The following PLXNA2 variants were observed in gnomAD, a reference collection of about 807,000 sequenced individuals.
The protein encoded by PLXNA2 is plexin A2, also known as plexin-A2.
Under a neutral mutation model 193.5 loss-of-function variants are expected in PLXNA2, and 91 were observed. The observed-to-expected ratio is 0.47, with a 90% CI of 0.40 to 0.56. The LOEUF (loss-of-function observed/expected upper bound fraction) is 0.56. Among genes scored for constraint, PLXNA2 ranks in the 20% least tolerant of loss-of-function variants. The pLI, the probability that PLXNA2 is intolerant of heterozygous loss-of-function variation, is 0.00. For missense variants in PLXNA2, 1,995 were observed against 2,503.2 expected (o/e 0.80, Z 4.33); for synonymous variants, 997 against 1,027.3 (o/e 0.97, Z 0.56).
rs535050243 is a variant in PLXNA2, at chr1:208,240,921, T to A, written c.-81+2722A>T. On this transcript the variant is annotated intron_variant, in intron 1 of 31. Transcript: ENST00000367033. ...GGGAGGTGCTGCTGGAGACAGGAAT[T>A]GCCTCCCCCACACCAAACCCTATAT... Among the ~76,000 whole-genome samples the A allele has an allele frequency of 9.9e-5, 15 of 151,928 alleles. No individual in the cohort carries two copies. In the East Asian group the frequency reaches 2.7e-3, roughly 28 times the overall value.
At chr1:208,149,692 G>C (rs1049887107) in intron 3 of PLXNA2, among the ~76,000 whole-genome samples, 7 of 151,972 alleles carry the variant, frequency 4.6e-5, no homozygotes, top group African/African-American at 1.7e-4. Flanking sequence ...ATCTGGAGTT[G>C]AGCATTTGGT....
At chr1:208,187,016 C>T (rs12568379) in intron 3 of PLXNA2, among the ~76,000 whole-genome samples, 2,128 of 152,234 alleles carry the variant, frequency 0.014, 63 homozygotes, top group East Asian at 0.12. Context: ...CCACCGCGCC[C>T]GGCCTGCAAT....
intron 3 of PLXNA2, among the ~76,000 whole-genome samples, chr1:208,171,068 C>T (rs904941062): frequency 1.3e-5 from 2 of 152,268 alleles, no homozygotes. Flanking sequence ...GTGGTAACAT[C>T]TCATGATGGG....
intron 12 of PLXNA2, among the ~76,000 whole-genome samples, chr1:208,064,108 C>A (rs1048093036): frequency 1.3e-5 from 2 of 152,186 alleles, no homozygotes; most frequent in African/African-American, 4.8e-5. Context: ...TCAACTGTTT[C>A]TTTCTCCCAT....
intron 1 of PLXNA2, among the ~76,000 whole-genome samples, chr1:208,226,965 C>T (rs748163637): frequency 3.9e-5 from 6 of 152,244 alleles, no homozygotes; most frequent in Non-Finnish European, 8.8e-5. Flanking sequence ...GCCTTCTGTG[C>T]AAACGGAGTC....
chr1:208,060,877 C>T (rs1257662331), intron 12 of PLXNA2, 40 bp from the exon 13 acceptor site: 11 of 1,604,274 alleles, frequency 6.9e-6, no homozygotes, highest in Admixed American at 1.7e-5. Flanking sequence ...GGTTTGGTCA[C>T]AGGAACAGAA....
At chr1:208,192,135 C>T (rs997111721) in intron 3 of PLXNA2, among the ~76,000 whole-genome samples, 1 of 152,192 alleles carries the variant, frequency 6.6e-6, no homozygotes, top group African/African-American at 2.4e-5. Context: ...ACAACAAAGA[C>T]CATGACCCTG....
At position 208,051,321 on chromosome 1, in the gene PLXNA2, G is replaced by A. The variant is rs761847807; in HGVS notation, c.3096C>T (p.Asn1032=). The change falls in exon 16 of 32, where the codon AAC becomes AAT. Residue 1032 remains asparagine (N), a synonymous_variant. Transcript: ENST00000367033. ...GGTCATCTATGTACTCAAACTGCAG[G>A]TTGCTATCCACATGGGCTCGGTCGA... ...VSVDRAHVDS[N]LQFEYIDDPR... 6.2e-7 allele frequency: 1 copy of A among 1,613,752 alleles called. No individual in the cohort carries two copies. The highest frequency in any genetic ancestry group is 8.5e-7 in the Non-Finnish European group (1 of 1,179,882).
rs1031730826 is a variant in PLXNA2, at chr1:208,031,892, CG to C, written c.5056-134del. On this transcript the variant is annotated intron_variant, in intron 28 of 31. Transcript: ENST00000367033. ...ACACGAGGCTGTGCAGGCAGTGTTG[CG>C]GGGTGGGGAAGGGTACTATTGGTTA... The C allele has an allele frequency of 4.0e-6, 5 of 1,262,162 alleles. No individual in the cohort carries two copies. The African/African-American group carries it at 6.1e-5, about 16-fold the overall frequency. The allele number at this position is 1,262,162 out of a possible 1,614,324, so 78.2% of individuals were successfully genotyped here. A position where few individuals can be genotyped will look rare whatever the true frequency, so the allele number is the denominator to read the frequency against.
At chr1:208,182,001 T>C (rs1247207475) in intron 3 of PLXNA2, among the ~76,000 whole-genome samples, 1 of 152,162 alleles carries the variant, frequency 6.6e-6, no homozygotes, top group African/African-American at 2.4e-5. Flanking sequence ...CAAAGGCAAA[T>C]TGACTTAGTG....
intron 3 of PLXNA2, among the ~76,000 whole-genome samples, chr1:208,205,241 T>C (rs1259842976): frequency 1.3e-5 from 2 of 152,240 alleles, no homozygotes; most frequent in Non-Finnish European, 2.9e-5. Context: ...CCAGTTCCTG[T>C]TGCCACTCTT....
Position 208,084,578 on chromosome 1 carries a change from G to C in PLXNA2, c.2100C>G (p.Asp700Glu). The C allele has an allele frequency of 6.2e-7, 1 of 1,613,858 alleles. No homozygotes were observed. The highest frequency in any genetic ancestry group is 8.5e-7 in the Non-Finnish European group (1 of 1,179,740). Residue 700 changes from aspartate (D) to glutamate (E), a missense_variant and splice_region_variant, in exon 10 of 32, where the codon GAC (aspartate) becomes GAG (glutamate). By Grantham distance (45) the Asp-to-Glu change is conservative (BLOSUM62 2). Transcript: ENST00000367033. ...CCTCTGTGGGCACCAGCTGGGGACA[G>C]TCCTGGGGGAACAAACGAAGAGGCT... ...FQEGRINISEDCPQLVPTEEI... is the reference protein window; with the variant it reads ...FQEGRINISEECPQLVPTEEI...
At chr1:208,219,161 T>A (rs1572046223) in intron 1 of PLXNA2, among the ~76,000 whole-genome samples, 2 of 152,218 alleles carry the variant, frequency 1.3e-5, no homozygotes, top group Admixed American at 1.3e-4. Flanking sequence ...TTAAGGCTCC[T>A]CCACTTCCAG....
chr1:208,196,056 G>A (rs1670347283), intron 3 of PLXNA2, among the ~76,000 whole-genome samples: 1 of 152,114 alleles, frequency 6.6e-6, no homozygotes, highest in Admixed American at 6.5e-5. Flanking sequence ...CAAGATAACT[G>A]AAGGGGGCGA....
At chr1:208,027,456 A>G (rs1664376672) in intron 31 of PLXNA2, 118 bp from the exon 32 acceptor site, 1 of 680,036 alleles carries the variant, frequency 1.5e-6, no homozygotes, top group Non-Finnish European at 2.5e-6. Context: ...CATGCACATA[A>G]CCTTAAATAA....
At position 208,084,533 on chromosome 1, in the gene PLXNA2, C is replaced by T; in HGVS notation, c.2145G>A (p.Gly715=). 6.2e-7 allele frequency: 1 copy of T among 1,614,254 alleles called. No individual in the cohort carries two copies. The highest frequency in any genetic ancestry group is 8.5e-7 in the Non-Finnish European group (1 of 1,180,044). ...CCTTAAGGGTGATTGGCTTTACCTC[C>T]CCGACTGGAATCAAGATCTCCTCTG... is the stretch of plus-strand genomic sequence containing the variant. The part of the protein sequence containing the change: ...VPTEEILIPV[G]EVKPITLKAR... The change falls in exon 10 of 32, where the codon GGG becomes GGA. Residue 715 remains glycine (G), a synonymous_variant. Coordinates refer to ENST00000367033, the MANE Select transcript of PLXNA2 (RefSeq NM_025179.4).
At chr1:208,189,398 G>C (rs1670104875) in intron 3 of PLXNA2, among the ~76,000 whole-genome samples, 1 of 152,088 alleles carries the variant, frequency 6.6e-6, no homozygotes, top group Non-Finnish European at 1.5e-5. Context: ...GCTATACACA[G>C]GGCCCCACAG....
intron 4 of PLXNA2, among the ~76,000 whole-genome samples, chr1:208,134,838 G>T (rs764265668): frequency 1.9e-4 from 29 of 152,202 alleles, no homozygotes; most frequent in Non-Finnish European, 1.6e-4. Context: ...GGGACATCTG[G>T]AAGTGTGACT....
chr1:208,184,678 A>C (rs1182712900), intron 3 of PLXNA2, among the ~76,000 whole-genome samples: 2 of 152,190 alleles, frequency 1.3e-5, no homozygotes, highest in East Asian at 3.8e-4. Flanking sequence ...CCTCCCGCCC[A>C]GCTCACCCTT....
Sources: gnomAD v4.1 joint callset for allele counts (sites outside exome capture counted in the v4.1 genomes callset) on GRCh38, gnomAD v4.1.1 for gene constraint, MANE v1.5 for transcripts, NCBI Gene and HGNC (gene_info 2026-07-23, HGNC 2026-07-21) for gene names.